The following AHCY variants were observed in gnomAD, a reference collection of about 807,000 sequenced individuals.
AHCY encodes the protein S-adenosyl-L-homocysteine hydrolase.
In AHCY, 24 loss-of-function variants were observed where a neutral mutation model predicts 45.4. That is an observed-to-expected ratio of 0.53 (90% confidence interval 0.38 to 0.74). The LOEUF (loss-of-function observed/expected upper bound fraction) is 0.74. AHCY is among the 30% of genes least tolerant of loss of function. The pLI is 0.00. For missense variants in AHCY, 449 were observed against 594.1 expected (o/e 0.76, Z 2.54); for synonymous variants, 245 against 235.1 (o/e 1.04, Z -0.39).
chr20:34,233,213 T>A, the AHCY span, among the ~76,000 whole-genome samples: 1 of 148,940 alleles, frequency 6.7e-6, no homozygotes, highest in African/African-American at 2.5e-5. Flanking sequence ...AATGGTGTGA[T>A]CTCAGCTCAC....
At chr20:34,244,356 T>C in the AHCY span, among the ~76,000 whole-genome samples, 3 of 152,218 alleles carry the variant, frequency 2.0e-5, no homozygotes, top group Admixed American at 6.5e-5. Context: ...GTATTTTTCA[T>C]TGGTTAGCAG....
the AHCY span, among the ~76,000 whole-genome samples, chr20:34,235,893 G>GC: frequency 1.1e-5 from 1 of 91,982 alleles, no homozygotes; most frequent in Non-Finnish European, 2.0e-5. Flanking sequence ...AAGGAAGGAA[G>GC]GAAGGAAAGG....
the AHCY span, among the ~76,000 whole-genome samples, chr20:34,257,994 A>G: frequency 6.6e-6 from 1 of 152,106 alleles, no homozygotes; most frequent in Non-Finnish European, 1.5e-5. Context: ...AAATACAAAA[A>G]TTAGCTGGGC....
chr20:34,251,179 C>A, the AHCY span, among the ~76,000 whole-genome samples: 4 of 152,296 alleles, frequency 2.6e-5, no homozygotes, highest in African/African-American at 9.6e-5. Context: ...CTCTTTTCCA[C>A]AACTTAGTCA....
chr20:34,240,927 G>T, the AHCY span, among the ~76,000 whole-genome samples: 1 of 152,240 alleles, frequency 6.6e-6, no homozygotes, highest in Non-Finnish European at 1.5e-5. Flanking sequence ...GAGTATGAAG[G>T]CATGACGTTT....
the AHCY span, among the ~76,000 whole-genome samples, chr20:34,267,418 T>C: frequency 7.9e-6 from 1 of 126,192 alleles, no homozygotes; most frequent in Non-Finnish European, 1.5e-5. Flanking sequence ...ACATCTGTAA[T>C]CTCAGCACTT....
downstream of AHCY, among the ~76,000 whole-genome samples, chr20:34,277,671 C>T (rs1157782747): frequency 7.1e-6 from 1 of 141,200 alleles, no homozygotes; most frequent in South Asian, 2.4e-4. Flanking sequence ...AGGAGAATGG[C>T]GTGAACCTGG....
the AHCY span, among the ~76,000 whole-genome samples, chr20:34,267,166 G>T: frequency 6.6e-6 from 1 of 152,064 alleles, no homozygotes; most frequent in Non-Finnish European, 1.5e-5. Flanking sequence ...TCTTATCCTT[G>T]GTCTCATGGA....
At chr20:34,268,898 G>C in the AHCY span, 1 of 1,481,138 alleles carries the variant, frequency 6.8e-7, no homozygotes, top group Non-Finnish European at 9.2e-7. Flanking sequence ...CCTCTGGTCC[G>C]GGATCTCCCT....
chr20:34,265,340 T>C, the AHCY span, among the ~76,000 whole-genome samples: 1,309 of 151,946 alleles, frequency 8.6e-3, 22 homozygotes, highest in African/African-American at 0.03. Context: ...CTGAGCAACA[T>C]GATGAAACCT....
At chr20:34,304,937 C>A (rs1227614786), upstream of AHCY, among the ~76,000 whole-genome samples, 1 of 151,774 alleles carries the variant, frequency 6.6e-6, no homozygotes, top group African/African-American at 2.4e-5. Context: ...ATCCGCCAGC[C>A]TCTGCCTCCC....
At chr20:34,310,606 C>T (rs1444739955) in intron 1 of AHCY, among the ~76,000 whole-genome samples, 1 of 152,130 alleles carries the variant, frequency 6.6e-6, no homozygotes, top group Non-Finnish European at 1.5e-5. Flanking sequence ...AGCAAAATGA[C>T]GTTAAGAACA....
chr20:34,242,394 G>A, the AHCY span, among the ~76,000 whole-genome samples: 1 of 151,900 alleles, frequency 6.6e-6, no homozygotes, highest in Admixed American at 6.6e-5. Context: ...CACCACGCCT[G>A]GCTAATTTTT....
intron 1 of AHCY, among the ~76,000 whole-genome samples, chr20:34,298,969 C>T (rs537629828): frequency 6.6e-6 from 1 of 152,246 alleles, no homozygotes; most frequent in Admixed American, 6.5e-5. Flanking sequence ...CCTTACCTAT[C>T]CTTGGAGGTG....
chr20:34,304,525 A>ATTT (rs564670743), upstream of AHCY, among the ~76,000 whole-genome samples: 1 of 142,176 alleles, frequency 7.0e-6, no homozygotes, highest in African/African-American at 2.6e-5. Context: ...TTTCCCCTGA[A>ATTT]TTTTTTTTTT....
intron 9 of AHCY, among the ~76,000 whole-genome samples, chr20:34,284,111 T>A (rs953850061): frequency 2.0e-5 from 3 of 152,082 alleles, no homozygotes; most frequent in African/African-American, 7.2e-5. Flanking sequence ...GAGGACTTCA[T>A]CTTCATGAGT....
At chr20:34,275,139 T>C in the AHCY span, among the ~76,000 whole-genome samples, 4 of 147,798 alleles carry the variant, frequency 2.7e-5, no homozygotes, top group Non-Finnish European at 4.5e-5. Context: ...TTCTTTTTTT[T>C]TTTTTTTTTT....
chr20:34,280,927 G>A lies in AHCY; in HGVS notation c.*107C>T. 2 of 1,526,484 alleles carry A rather than the reference G, an allele frequency of 1.3e-6. No homozygotes were observed. Among genetic ancestry groups the A allele is most frequent in the Non-Finnish European group, 1.8e-6 (2 of 1,121,408 alleles). 94.6% of individuals were successfully genotyped at this position (1,526,484 alleles called of 1,614,324 possible). ...AGTGATCAGCCCCAGAGAGTCGATG[G>A]GGGACACTGACAAACCAATCACAAA... On this transcript the variant is annotated 3_prime_UTR_variant, in exon 10 of 10. Coordinates refer to ENST00000217426, the MANE Select transcript of AHCY (RefSeq NM_000687.4).
the AHCY span, among the ~76,000 whole-genome samples, chr20:34,253,089 A>G: frequency 6.6e-6 from 1 of 151,852 alleles, no homozygotes; most frequent in Non-Finnish European, 1.5e-5. Flanking sequence ...ACACAGTAAC[A>G]ACCTGATCTC....
Sources: gnomAD v4.1 joint callset for allele counts (sites outside exome capture counted in the v4.1 genomes callset) on GRCh38, gnomAD v4.1.1 for gene constraint, MANE v1.5 for transcripts, NCBI Gene and HGNC (gene_info 2026-07-23, HGNC 2026-07-21) for gene names.